The following ZPBP variants were observed in gnomAD, a reference collection of about 807,000 sequenced individuals.
ZPBP encodes the protein zona pellucida binding protein, also known as zona pellucida-binding protein 1.
A neutral mutation model predicts 44.8 loss-of-function variants in ZPBP; 26 were observed. The ratio of observed to expected loss-of-function variants is 0.58; its 90% CI spans 0.43 to 0.81. ZPBP has a LOEUF of 0.81. ZPBP is among the 30% of genes least tolerant of loss of function. ZPBP has a pLI of 0.00. For missense variants in ZPBP, 409 were observed against 434.0 expected (o/e 0.94, Z 0.51); for synonymous variants, 174 against 153.2 (o/e 1.14, Z -1.00).
chr7:49,969,978 G>C (rs868566929), intron 7 of ZPBP, among the ~76,000 whole-genome samples: 2 of 151,762 alleles, frequency 1.3e-5, no homozygotes, highest in Middle Eastern at 3.4e-3. Context: ...TCATGTCTCG[G>C]CTTCCCTAGT....
At chr7:49,934,773 T>C (rs1483118082), downstream of ZPBP, among the ~76,000 whole-genome samples, 1 of 152,162 alleles carries the variant, frequency 6.6e-6, no homozygotes, top group Admixed American at 6.5e-5. Context: ...TTGAGATTAC[T>C]GGACCAAACA....
At chr7:49,976,873 C>T (rs1436861279) in intron 7 of ZPBP, among the ~76,000 whole-genome samples, 4 of 151,870 alleles carry the variant, frequency 2.6e-5, no homozygotes, top group African/African-American at 9.7e-5. Flanking sequence ...GAGGCGGAGG[C>T]GGGCGGATCA....
At chr7:49,992,363 A>G (rs1398121995) in intron 6 of ZPBP, among the ~76,000 whole-genome samples, 1 of 152,176 alleles carries the variant, frequency 6.6e-6, no homozygotes, top group Non-Finnish European at 1.5e-5. Context: ...CTTAAAATGG[A>G]ATGAAAACAC....
chr7:49,849,461 C>T (rs10227610), downstream of ZPBP, among the ~76,000 whole-genome samples: 100 of 152,250 alleles, frequency 6.6e-4, no homozygotes, highest in East Asian at 2.7e-3. Context: ...AGGGTCCTCG[C>T]GGGTCTCTGG....
At chr7:49,985,480 A>G (rs901977401) in intron 6 of ZPBP, among the ~76,000 whole-genome samples, 1 of 152,162 alleles carries the variant, frequency 6.6e-6, no homozygotes, top group Non-Finnish European at 1.5e-5. Context: ...AATCTAAAAT[A>G]CTTCTGGTTC....
intron 6 of ZPBP, among the ~76,000 whole-genome samples, chr7:50,013,516 T>A (rs1400831964): frequency 1.3e-5 from 2 of 152,046 alleles, no homozygotes; most frequent in Non-Finnish European, 2.9e-5. Flanking sequence ...CAATTCTAGG[T>A]AATAATAGTC....
In ZPBP at chr7:50,081,695, T is replaced by C. The variant is rs555336515; in HGVS notation, c.334+79A>G. On this transcript the variant is annotated intron_variant, in intron 3 of 7. Transcript: ENST00000046087. ...ATTGAGGAAATAACATAAATATGTA[T>C]GAGATACAAACATTCTTTTTGTGTT... is the stretch of plus-strand genomic sequence containing the variant. 4.2e-5 allele frequency: 63 copies of C among 1,486,574 alleles called. No individual in the cohort carries two copies. In the East Asian group the frequency reaches 1.4e-3, roughly 32 times the overall value. 92.1% of individuals were successfully genotyped at this position (1,486,574 alleles called of 1,614,324 possible).
At chr7:49,855,820 G>T (rs763645474) in intron 2 of ZPBP, among the ~76,000 whole-genome samples, 1 of 152,156 alleles carries the variant, frequency 6.6e-6, no homozygotes, top group African/African-American at 2.4e-5. Context: ...GGTGGCTGAC[G>T]GTGCACGTTA....
At chr7:49,929,427 T>C (rs1197555900) in intron 1 of ZPBP, among the ~76,000 whole-genome samples, 1 of 152,182 alleles carries the variant, frequency 6.6e-6, no homozygotes, top group East Asian at 1.9e-4. Flanking sequence ...CTTAGGCCTC[T>C]GACTTCTCAA....
chr7:50,077,956 A>T (rs1802180582), intron 3 of ZPBP, among the ~76,000 whole-genome samples: 1 of 151,800 alleles, frequency 6.6e-6, no homozygotes, highest in African/African-American at 2.4e-5. Context: ...GTGTTGCAGC[A>T]CTGCTTACAA....
intron 1 of ZPBP, among the ~76,000 whole-genome samples, chr7:50,091,257 A>C (rs564714348): frequency 1.3e-5 from 2 of 152,174 alleles, no homozygotes; most frequent in African/African-American, 4.8e-5. Flanking sequence ...TATATTGTGA[A>C]GGTTTTCTCC....
chr7:49,875,444 A>G (rs1039311823), intron 2 of ZPBP, among the ~76,000 whole-genome samples: 8 of 151,826 alleles, frequency 5.3e-5, no homozygotes, highest in Non-Finnish European at 1.0e-4. Flanking sequence ...ATAGGAAAAA[A>G]AAAAGTATTT....
chr7:50,010,995 T>C (rs1046563065), intron 6 of ZPBP, among the ~76,000 whole-genome samples: 12 of 146,464 alleles, frequency 8.2e-5, no homozygotes, highest in African/African-American at 2.0e-4. Flanking sequence ...CAAAACAGCA[T>C]AGTACTGTAT....
chr7:50,081,238 G>A (rs1802336330), intron 3 of ZPBP, among the ~76,000 whole-genome samples: 1 of 151,592 alleles, frequency 6.6e-6, no homozygotes. Context: ...ATGGTAAATA[G>A]AGCAATAAAG....
intron 2 of ZPBP, among the ~76,000 whole-genome samples, chr7:49,875,388 A>AAAAC (rs1791366340): frequency 6.7e-6 from 1 of 149,902 alleles, no homozygotes; most frequent in African/African-American, 2.4e-5. Flanking sequence ...AAAAAAAAAA[A>AAAAC]AAAAAAAAAC....
chr7:49,893,215 T>C lies in ZPBP; in HGVS notation n.509+7903A>G, dbSNP rs146264038. On this transcript the variant is annotated intron_variant and non_coding_transcript_variant, in intron 2 of 2. Transcript: ENST00000465922. ...CATATGATAAATCAACTTGAAAGGA[T>C]TGGAACAGGGTAATCAAGGAGTTAT... is the stretch of plus-strand genomic sequence containing the variant. Among the ~76,000 whole-genome samples, 1,186 of 152,256 alleles carry C rather than the reference T, an allele frequency of 7.8e-3. 13 individuals are homozygous for C. Among genetic ancestry groups the C allele is most frequent in the African/African-American group, 0.027 (1,133 of 41,524 alleles).
intron 2 of ZPBP, among the ~76,000 whole-genome samples, chr7:49,896,602 C>T (rs938571169): frequency 8.6e-5 from 13 of 152,040 alleles, no homozygotes; most frequent in South Asian, 2.1e-4. Context: ...AAACCAAAAA[C>T]TGGTTGGTTC....
At chr7:49,888,812 G>T (rs891223759) in intron 2 of ZPBP, among the ~76,000 whole-genome samples, 4 of 152,152 alleles carry the variant, frequency 2.6e-5, no homozygotes, top group African/African-American at 9.7e-5. Flanking sequence ...TTTGGGGGCC[G>T]AGGCAGGAGA....
chr7:50,044,880 C>A (rs921087823), intron 4 of ZPBP, among the ~76,000 whole-genome samples: 1 of 152,162 alleles, frequency 6.6e-6, no homozygotes, highest in Non-Finnish European at 1.5e-5. Flanking sequence ...AGGCCAATAT[C>A]CCTGATGAAC....
Sources: allele counts gnomAD v4.1 joint callset (sites outside exome capture counted in the v4.1 genomes callset), GRCh38; gene constraint gnomAD v4.1.1; transcripts MANE v1.5; gene names NCBI Gene and HGNC (gene_info 2026-07-23, HGNC 2026-07-21).